Variants in PHKG1 observed in about 807,000 individuals in gnomAD.
PHKG1 encodes the protein phosphorylase b kinase gamma catalytic chain, skeletal muscle/heart isoform.
A neutral mutation model predicts 50.5 loss-of-function variants in PHKG1; 48 were observed. That is an observed-to-expected ratio of 0.95 (90% CI 0.75 to 1.21). The LOEUF is 1.21. PHKG1 is among the 50% of genes most tolerant of loss of function. The pLI, the probability that PHKG1 is intolerant of heterozygous loss-of-function variation, is 0.00. For synonymous variants in PHKG1, 204 were observed against 212.8 expected (o/e 0.96, Z 0.36); for missense variants, 487 against 519.5 (o/e 0.94, Z 0.61).
rs143871825 is a variant in PHKG1, at chr7:56,081,285, G to T, written c.933C>A (p.Thr311=). The T allele has an allele frequency of 9.9e-6, 16 of 1,609,808 alleles. No homozygotes were observed. The highest frequency in any genetic ancestry group is 1.4e-5 in the Non-Finnish European group (16 of 1,179,650). Residue 311 remains threonine (T), a synonymous_variant, in exon 10 of 10, where the codon ACC becomes ACA. Coordinates refer to ENST00000297373, the MANE Select transcript of PHKG1 (RefSeq NM_006213.5). The surrounding 1 kb of genome is among the most constrained non-coding windows in gnomAD (Gnocchi z 4.6). ...PRGKFKVIAL[T]VLASVRIYYQ... is the part of the protein sequence containing the mutation. Reference sequence around the variant, plus strand: ...AGTAGATCCGCACTGAAGCCAGCACGGTCAGAGCGATCACCTGCAGGGCCA... The same window carrying T: ...AGTAGATCCGCACTGAAGCCAGCACTGTCAGAGCGATCACCTGCAGGGCCA...
intron 3 of PHKG1, 143 bp from the exon 4 acceptor site, chr7:56,087,167 A>C: frequency 1.5e-6 from 1 of 671,154 alleles, no homozygotes; most frequent in Non-Finnish European, 2.7e-6. Flanking sequence ...AAAGACGTCA[A>C]CCTGGGATGT....
chr7:56,090,375 C>T (rs1174214009), intron 1 of PHKG1, among the ~76,000 whole-genome samples: 2 of 152,208 alleles, frequency 1.3e-5, no homozygotes, highest in Non-Finnish European at 2.9e-5. Flanking sequence ...CTTGGCCTCC[C>T]AAAGTGCTGG....
intron 1 of PHKG1, among the ~76,000 whole-genome samples, chr7:56,090,209 A>G (rs987675709): frequency 1.3e-5 from 2 of 151,886 alleles, no homozygotes; most frequent in African/African-American, 2.4e-5. Flanking sequence ...TCCACCTCCA[A>G]GGTTCAAGCA....
chr7:56,083,371 T>G lies in PHKG1; in HGVS notation c.454A>C (p.Lys152Gln), dbSNP rs1396549390. 1.9e-6 allele frequency: 3 copies of G among 1,614,152 alleles called. No individual in the cohort carries two copies. The highest frequency in any genetic ancestry group is 2.5e-6 in the Non-Finnish European group (3 of 1,180,024). The change falls in exon 6 of 10, where the codon AAG becomes CAG. Residue 152 changes from lysine (K) to glutamine (Q), a missense_variant. Physicochemically the swap from Lys to Gln is moderately conservative, Grantham distance 53 (BLOSUM62 1). Coordinates refer to ENST00000297373, the MANE Select transcript of PHKG1 (RefSeq NM_006213.5). ...HKLNIVHRDL[K>Q]PENILLDDNM... ...TCATCCAAGAGAATGTTCTCGGGCTTCAGGTCCCGGTGCACGATGTTGAGT... is the reference window on the plus strand; with the variant it reads ...TCATCCAAGAGAATGTTCTCGGGCTGCAGGTCCCGGTGCACGATGTTGAGT...
At chr7:56,083,527 T>C in intron 5 of PHKG1, 86 bp from the exon 6 acceptor site, 1 of 1,545,408 alleles carries the variant, frequency 6.5e-7, no homozygotes. Flanking sequence ...TCAGCCACAC[T>C]GCAAGGGAGC....
intron 1 of PHKG1, among the ~76,000 whole-genome samples, chr7:56,090,138 C>T (rs1217336988): frequency 3.3e-5 from 5 of 151,926 alleles, no homozygotes; most frequent in South Asian, 2.1e-4. Flanking sequence ...TTTGTGGAGA[C>T]GGAGTCTCAG....
intron 5 of PHKG1, 49 bp downstream of exon 5, chr7:56,083,600 GC>G: frequency 6.5e-7 from 1 of 1,528,190 alleles, no homozygotes; most frequent in South Asian, 1.2e-5. Flanking sequence ...AGTGCCTGTG[GC>G]CCTAAGCCAC....
Position 56,081,615 on chromosome 7 carries a change from C to G in PHKG1, c.918+15G>C, listed in dbSNP as rs1795994812. The G allele has an allele frequency of 1.2e-6, 2 of 1,612,530 alleles. No homozygotes were observed. Among genetic ancestry groups the G allele is most frequent in the Admixed American group, 1.7e-5 (1 of 59,948 alleles). ...ACTTAGGGAGCTGGCGGGCCTGGAT[C>G]AGGACGCTTAGTACCTTGAACTTCC... On this transcript the variant is annotated intron_variant, in intron 9 of 9. Transcript: ENST00000297373. The surrounding 1 kb of genome is among the most constrained non-coding windows in gnomAD (Gnocchi z 4.6).
chr7:56,081,294 G>A lies in PHKG1; in HGVS notation c.924C>T (p.Ile308=), dbSNP rs368535896. ...GCACTGAAGCCAGCACGGTCAGAGCGATCACCTGCAGGGCCAGGCGGAGAA... is the reference window on the plus strand; with the variant it reads ...GCACTGAAGCCAGCACGGTCAGAGCAATCACCTGCAGGGCCAGGCGGAGAA... ...HFSPRGKFKV[I]ALTVLASVRI... The change falls in exon 10 of 10, where the codon ATC becomes ATT. Residue 308 remains isoleucine, a synonymous_variant. Coordinates refer to ENST00000297373, the MANE Select transcript of PHKG1 (RefSeq NM_006213.5). This position sits in a 1 kb window ranked among gnomAD's most constrained non-coding sequence, Gnocchi z 4.6. 1.3e-4 allele frequency: 206 copies of A among 1,607,826 alleles called. No individual in the cohort carries two copies. Among genetic ancestry groups the A allele is most frequent in the Non-Finnish European group, 1.7e-4 (195 of 1,179,432 alleles).
intron 4 of PHKG1, chr7:56,084,129 G>C: frequency 7.3e-7 from 1 of 1,378,470 alleles, no homozygotes; most frequent in South Asian, 1.2e-5. Flanking sequence ...GCCCCGAGCT[G>C]GTGGCCCTGT....
rs373331868 is a variant in PHKG1 at position 56,083,294 on chromosome 7, C to T, written c.531G>A (p.Pro177=). ...TDFGFSCQLE[P]GERLREVCGT... is the part of the protein sequence containing the mutation. ...TTACCAGACCTCGCAGCCTCTCTCCCGGCTCCAGCTGGCAGGAAAAGCCAA... is the reference window on the plus strand; with the variant it reads ...TTACCAGACCTCGCAGCCTCTCTCCTGGCTCCAGCTGGCAGGAAAAGCCAA... Residue 177 remains proline, a synonymous_variant, in exon 6 of 10, where the codon CCG becomes CCA. Transcript: ENST00000297373. 9.0e-5 allele frequency: 146 copies of T among 1,613,798 alleles called. 1 individual carries two copies. The highest frequency in any genetic ancestry group is 4.4e-4 in the South Asian group (40 of 91,066).
chr7:56,086,921 C>T lies in PHKG1; in HGVS notation c.317+49G>A, dbSNP rs199930011. ...AGCCCTGGGGTTGGGGAGGGGACAG[C>T]AGTCGGAGGTTCTCTCAGGTGTGGC... On this transcript the variant is annotated intron_variant, in intron 4 of 9. Transcript: ENST00000297373. The T allele has an allele frequency of 1.2e-5, 17 of 1,435,296 alleles. No individual in the cohort carries two copies. The East Asian group carries it at 3.9e-4, about 33-fold the overall frequency. The allele number at this position is 1,435,296 out of a possible 1,614,324, so 88.9% of individuals were successfully genotyped here. A position where few individuals can be genotyped will look rare whatever the true frequency, so the allele number is the denominator to read the frequency against.
chr7:56,084,092 G>A (rs1796145791), intron 4 of PHKG1: 1 of 938,298 alleles, frequency 1.1e-6, no homozygotes, highest in South Asian at 1.4e-5. Flanking sequence ...AGGCCAGGAT[G>A]GCTAGAAGTG....
At position 56,081,984 on chromosome 7, in the gene PHKG1, T is replaced by C; in HGVS notation, c.701A>G (p.Lys234Arg). ...LAGSPPFWHR[K>R]QMLMLRMIMS... ...GATCATCCTCAGCATCAGCATCTGC[T>C]TCCGGTGCCAGAAGGGCGGGGAGCC... The change falls in exon 8 of 10, where the codon AAG becomes AGG. Residue 234 changes from lysine (K) to arginine (R), a missense_variant. Lys to Arg is a conservative substitution (Grantham distance 26). Transcript: ENST00000297373. The surrounding 1 kb of genome is among the most constrained non-coding windows in gnomAD (Gnocchi z 4.6). 6.2e-7 allele frequency: 1 copy of C among 1,613,936 alleles called. No individual in the cohort carries two copies.
chr7:56,085,974 CA>C (rs34275240), intron 4 of PHKG1, among the ~76,000 whole-genome samples: 63,400 of 133,168 alleles, frequency 0.48, 14,357 homozygotes, highest in East Asian at 0.67. Context: ...AACTCTGTCT[CA>C]AAAAAAAAAA....
At chr7:56,085,905 C>T (rs1232306772) in intron 4 of PHKG1, among the ~76,000 whole-genome samples, 2 of 149,394 alleles carry the variant, frequency 1.3e-5, no homozygotes, top group Non-Finnish European at 3.0e-5. Context: ...ACCCAGGAGA[C>T]GGAGGTTGCA....
At chr7:56,089,566 G>T (rs1475920598) in intron 1 of PHKG1, among the ~76,000 whole-genome samples, 1 of 150,196 alleles carries the variant, frequency 6.7e-6, no homozygotes, top group Non-Finnish European at 1.5e-5. Context: ...CCCCAGGCTG[G>T]AGTGCAGTGG....
chr7:56,087,239 A>G (rs1240384870), intron 3 of PHKG1, among the ~76,000 whole-genome samples: 2 of 145,594 alleles, frequency 1.4e-5, no homozygotes, highest in East Asian at 3.9e-4. Context: ...TATTATTATT[A>G]GAGACAGGAT....
intron 3 of PHKG1, 95 bp downstream of exon 3, chr7:56,087,503 G>A (rs1340859482): frequency 1.0e-5 from 13 of 1,250,566 alleles, no homozygotes; most frequent in Admixed American, 5.7e-5. Context: ...GGTGGTTCTA[G>A]TTGGCTGTGC....
Sources: gnomAD v4.1 joint callset for allele counts (sites outside exome capture counted in the v4.1 genomes callset) on GRCh38, gnomAD v4.1.1 for gene constraint, Gnocchi (gnomAD v3.1) non-coding constraint, MANE v1.5 for transcripts, NCBI Gene and HGNC (gene_info 2026-07-23, HGNC 2026-07-21) for gene names.